C13orf46: variants seen among roughly 807,000 people sequenced by gnomAD.
C13orf46 encodes uncharacterized protein C13orf46.
At chr13:113,962,804 TC>T (rs2052597729) in intron 6 of C13orf46, among the ~76,000 whole-genome samples, 1 of 152,080 alleles carries the variant, frequency 6.6e-6, no homozygotes, top group Admixed American at 6.5e-5. Flanking sequence ...GAGTGCCAAA[TC>T]CATCATCAGG....
intron 6 of C13orf46, among the ~76,000 whole-genome samples, chr13:113,957,959 TG>T (rs1224791100): frequency 1.9e-4 from 19 of 100,802 alleles, no homozygotes; most frequent in Admixed American, 4.4e-4. Flanking sequence ...TCAAGTGCAC[TG>T]GGGGGGTCTC....
intron 4 of C13orf46, among the ~76,000 whole-genome samples, chr13:113,968,258 T>C (rs957498678): frequency 1.3e-5 from 2 of 152,046 alleles, no homozygotes; most frequent in Non-Finnish European, 2.9e-5. Context: ...CAAGCAGGGG[T>C]CAGGCTGCCC....
chr13:113,957,428 T>TG (rs1186192275), intron 6 of C13orf46, among the ~76,000 whole-genome samples: 3 of 124,832 alleles, frequency 2.4e-5, no homozygotes, highest in Non-Finnish European at 3.3e-5. Context: ...TCAAGTGCAC[T>TG]GGGGGGTCTC....
the C13orf46 span, among the ~76,000 whole-genome samples, chr13:113,943,709 A>T: frequency 6.6e-6 from 1 of 152,124 alleles, no homozygotes; most frequent in Non-Finnish European, 1.5e-5. Context: ...TGGGAACCTT[A>T]GTGTTTTATT....
At chr13:113,941,660 G>A in the C13orf46 span, among the ~76,000 whole-genome samples, 1 of 152,220 alleles carries the variant, frequency 6.6e-6, no homozygotes, top group African/African-American at 2.4e-5. Context: ...CTGTTTCTCT[G>A]CCTGTCAGAT....
chr13:113,955,181 GGTGGAGAGGAGGAGCATCCC>G lies in C13orf46; in HGVS notation c.*1572_*1591del, dbSNP rs2052514251. On this transcript the variant is annotated 3_prime_UTR_variant, in exon 7 of 7. Coordinates refer to ENST00000636427, the MANE Select transcript of C13orf46 (RefSeq NM_001365455.2). Reference sequence around the variant, plus strand: ...CATCTCGAGGAGAGGAGGAGCATCTGGTGGAGAGGAGGAGCATCCCGTGGAGACGAGGAGCATCCCGTGGA... The same window carrying G: ...CATCTCGAGGAGAGGAGGAGCATCTGGTGGAGACGAGGAGCATCCCGTGGA... 9.7e-6 allele frequency: 2 copies of G among 205,608 alleles called. No individual in the cohort carries two copies. Among genetic ancestry groups the G allele is most frequent in the African/African-American group, 2.7e-5 (1 of 37,246 alleles). The allele number at this position is 205,608 out of a possible 1,614,324, so 12.7% of individuals were successfully genotyped here.
chr13:113,952,638 A>G (rs2052493836), downstream of C13orf46, among the ~76,000 whole-genome samples: 1 of 152,210 alleles, frequency 6.6e-6, no homozygotes, highest in Non-Finnish European at 1.5e-5. Flanking sequence ...GGCCCTAGAA[A>G]GCCCAGGCGG....
At chr13:113,970,294 G>A (rs1413593453) in intron 1 of C13orf46, 72 bp from the exon 2 acceptor site, 12 of 152,568 alleles carry the variant, frequency 7.9e-5, no homozygotes, top group Non-Finnish European at 1.5e-4. Flanking sequence ...GCCCCAAGCC[G>A]CCCACAGCCA....
At chr13:113,970,016 C>T (rs887248174) in intron 2 of C13orf46, among the ~76,000 whole-genome samples, 155 bp downstream of exon 2, 34 of 152,204 alleles carry the variant, frequency 2.2e-4, no homozygotes, top group Admixed American at 1.1e-3. Flanking sequence ...CCAGGCCCTG[C>T]GCGGGGTCTT....
At chr13:113,964,311 C>T (rs2052616416) in intron 6 of C13orf46, among the ~76,000 whole-genome samples, 1 of 152,180 alleles carries the variant, frequency 6.6e-6, no homozygotes, top group African/African-American at 2.4e-5. Flanking sequence ...TCCATGGGCC[C>T]CCTTCAATGG....
At chr13:113,948,456 A>C in the C13orf46 span, among the ~76,000 whole-genome samples, 1 of 152,244 alleles carries the variant, frequency 6.6e-6, no homozygotes, top group South Asian at 2.1e-4. Flanking sequence ...AGGCGGCTTC[A>C]GTGCCTGGGA....
At chr13:113,972,172 G>A (rs2052714232) in intron 1 of C13orf46, among the ~76,000 whole-genome samples, 1 of 152,164 alleles carries the variant, frequency 6.6e-6, no homozygotes, top group Admixed American at 6.5e-5. Flanking sequence ...GTGGCATCGG[G>A]CGGCATTATT....
chr13:113,961,784 G>C (rs2052588831), intron 6 of C13orf46, among the ~76,000 whole-genome samples: 1 of 151,918 alleles, frequency 6.6e-6, no homozygotes, highest in African/African-American at 2.4e-5. Flanking sequence ...TGCTCTGTGT[G>C]ATCTGTGGCT....
chr13:113,958,681 C>T (rs2052562608), intron 6 of C13orf46, among the ~76,000 whole-genome samples: 1 of 152,088 alleles, frequency 6.6e-6, no homozygotes, highest in African/African-American at 2.4e-5. Flanking sequence ...GCACAGTCCT[C>T]ACTAAGACTT....
chr13:113,960,077 C>T (rs1256405874), intron 6 of C13orf46, among the ~76,000 whole-genome samples: 1 of 151,878 alleles, frequency 6.6e-6, no homozygotes, highest in Non-Finnish European at 1.5e-5. Context: ...ATGGTGAAAC[C>T]TTGTCTCTAC....
At chr13:113,972,173 C>G (rs957288770) in intron 1 of C13orf46, among the ~76,000 whole-genome samples, 4 of 152,176 alleles carry the variant, frequency 2.6e-5, no homozygotes, top group Non-Finnish European at 5.9e-5. Context: ...TGGCATCGGG[C>G]GGCATTATTG....
downstream of C13orf46, among the ~76,000 whole-genome samples, chr13:113,952,395 AGGGCCGCTGTGTGGCCG>A (rs2052492900): frequency 1.3e-5 from 2 of 149,832 alleles, no homozygotes; most frequent in African/African-American, 4.9e-5. Context: ...CCGCCTGCCC[AGGGCCGCTGTGTGGCCG>A]CCGCTCCCGC....
downstream of C13orf46, among the ~76,000 whole-genome samples, chr13:113,950,793 C>G (rs979746997): frequency 2.0e-5 from 3 of 152,198 alleles, no homozygotes; most frequent in African/African-American, 7.2e-5. Flanking sequence ...AGGAGAGACT[C>G]CCTCCCGCTC....
chr13:113,938,854 A>T, the C13orf46 span, among the ~76,000 whole-genome samples: 2 of 150,948 alleles, frequency 1.3e-5, no homozygotes, highest in Admixed American at 6.6e-5. Context: ...GCCTTCACTC[A>T]CTCTCAATCC....
Sources: gnomAD v4.1 joint callset for allele counts (sites outside exome capture counted in the v4.1 genomes callset) on GRCh38, gnomAD v4.1.1 for gene constraint, MANE v1.5 for transcripts, NCBI Gene and HGNC (gene_info 2026-07-23, HGNC 2026-07-21) for gene names.